The following C1orf226 variants were observed in gnomAD, a reference collection of about 807,000 sequenced individuals.
The protein encoded by C1orf226 is chromosome 1 open reading frame 226.
In C1orf226, 4 loss-of-function variants were observed where a neutral mutation model predicts 10.5. The observed-to-expected ratio is 0.38, with a 90% confidence interval of 0.19 to 0.87. The LOEUF is 0.87. Among genes scored for constraint, C1orf226 ranks in the 40% least tolerant of loss-of-function variants. C1orf226 has a pLI of 0.41. For missense variants in C1orf226, 313 were observed against 336.2 expected (o/e 0.93, Z 0.54); for synonymous variants, 125 against 139.3 (o/e 0.90, Z 0.72).
chr1:162,382,030 C>G lies in C1orf226; in HGVS notation c.129C>G (p.Leu43=). 1 of 1,611,702 alleles carries G rather than the reference C, an allele frequency of 6.2e-7. No homozygotes were observed. The change falls in exon 1 of 2, where the codon CTC becomes CTG. Residue 43 remains leucine (L), a synonymous_variant. Coordinates refer to ENST00000458626, the MANE Select transcript of C1orf226 (RefSeq NM_001085375.2). ...CTGGTGAGCCTGGGGGGCCAGGACT[C>G]TGGGTGGGCAGCAGCCAGCACCTCA... The part of the protein sequence containing the change: ...LGSGEPGGPG[L]WVGSSQHLKN...
chr1:162,383,600 G>C lies in C1orf226; in HGVS notation c.736G>C (p.Glu246Gln), dbSNP rs1301475621. The C allele has an allele frequency of 1.9e-6, 3 of 1,606,932 alleles. No individual in the cohort carries two copies. Among genetic ancestry groups the C allele is most frequent in the Non-Finnish European group, 2.5e-6 (3 of 1,176,724 alleles). ...CCCCATCAGCCTGGCTGAGTCCTGGGAGGATGGCAGCCCCCCTCCTCAGGC... is the reference window on the plus strand; with the variant it reads ...CCCCATCAGCCTGGCTGAGTCCTGGCAGGATGGCAGCCCCCCTCCTCAGGC... ...LSPISLAESW[E>Q]DGSPPPQART... The change falls in exon 2 of 2, where the codon GAG (glutamate) becomes CAG (glutamine). Residue 246 changes from glutamate to glutamine, a missense_variant. Physicochemically the swap from Glu to Gln is conservative, Grantham distance 29. Coordinates refer to ENST00000458626, the MANE Select transcript of C1orf226 (RefSeq NM_001085375.2).
intron 1 of C1orf226, 121 bp downstream of exon 1, chr1:162,382,339 G>A (rs1371891634): frequency 1.6e-6 from 2 of 1,283,492 alleles, no homozygotes; most frequent in Non-Finnish European, 1.0e-6. Context: ...AGATTGTCCT[G>A]TACTGAAAAG....
At position 162,383,736 on chromosome 1, in the gene C1orf226, C is replaced by T. The variant is rs1648010680; in HGVS notation, c.*53C>T. The T allele has an allele frequency of 1.3e-6, 2 of 1,514,982 alleles. No individual in the cohort carries two copies. The highest frequency in any genetic ancestry group is 1.3e-5 in the South Asian group (1 of 76,706). 93.8% of individuals were successfully genotyped at this position (1,514,982 alleles called of 1,614,324 possible). ...GCCCTTGTCTTCCTGCTGCTTTCTC[C>T]TCCACTGCGCACACTGGCCCTGGCC... On this transcript the variant is annotated 3_prime_UTR_variant, in exon 2 of 2. Coordinates refer to ENST00000458626, the MANE Select transcript of C1orf226 (RefSeq NM_001085375.2).
intron 1 of C1orf226, 82 bp downstream of exon 1, chr1:162,382,300 CAGG>C (rs1320597422): frequency 6.8e-7 from 1 of 1,473,378 alleles, no homozygotes; most frequent in Non-Finnish European, 9.1e-7. Flanking sequence ...AGTGTCTGCA[CAGG>C]AGAACAGCCC....
chr1:162,383,267 C>T lies in C1orf226; in HGVS notation c.403C>T (p.Gln135Ter). Residue 135 changes from glutamine (Q) to a stop codon, truncating the protein, a stop_gained, in exon 2 of 2, where the codon CAG (glutamine) becomes TAG (stop). Transcript: ENST00000458626. LOFTEE classifies it high-confidence loss of function. ...KRTPRALKTTQDMLISSQPVL... is the reference protein window; with the variant it reads ...KRTPRALKTT ...AACCCCTCGGGCCCTGAAGACCACC[C>T]AGGACATGCTGATTTCATCACAGCC... 3 of 1,613,866 alleles carry T rather than the reference C, an allele frequency of 1.9e-6. No individual in the cohort carries two copies. The highest frequency in any genetic ancestry group is 2.5e-6 in the Non-Finnish European group (3 of 1,179,788).
At chr1:162,379,064 C>A (rs749720212), upstream of C1orf226, 1 of 1,403,880 alleles carries the variant, frequency 7.1e-7, no homozygotes. Context: ...GGATGACTTA[C>A]ATCCCCAGAT....
chr1:162,382,807 G>C (rs1415312022), intron 1 of C1orf226, among the ~76,000 whole-genome samples: 2 of 152,198 alleles, frequency 1.3e-5, no homozygotes, highest in Non-Finnish European at 2.9e-5. Context: ...CCTACCAACA[G>C]GCTCTTTCCA....
At chr1:162,381,644 A>AT (rs1647909572), upstream of C1orf226, 1 of 1,318,462 alleles carries the variant, frequency 7.6e-7, no homozygotes. Context: ...GAACAACTTT[A>AT]TTTTTTTATG....
In C1orf226 at chr1:162,381,986, G is replaced by A. The variant is rs200174827; in HGVS notation, c.85G>A (p.Gly29Ser). 964 of 1,612,818 alleles carry A rather than the reference G, an allele frequency of 6.0e-4. 9 individuals carry two copies. The South Asian group carries it at 6.6e-3, about 11-fold the overall frequency. Residue 29 changes from glycine (G) to serine (S), a missense_variant, in exon 1 of 2, where the codon GGC becomes AGC. Coordinates refer to ENST00000458626, the MANE Select transcript of C1orf226 (RefSeq NM_001085375.2). Reference protein sequence around the residue: ...FPHLSKPVAPGSAPLGSGEPG... With the variant: ...FPHLSKPVAPSSAPLGSGEPG... ...CCACTTGTCCAAGCCCGTGGCCCCC[G>A]GCTCTGCCCCTCTGGGCTCTGGTGA... is the stretch of plus-strand genomic sequence containing the variant.
chr1:162,379,075 G>A (rs762539437), upstream of C1orf226: 2 of 1,292,708 alleles, frequency 1.5e-6, no homozygotes, highest in Non-Finnish European at 2.2e-6. Context: ...ATCCCCAGAT[G>A]CCCTCCTCTG....
chr1:162,383,079 G>A lies in C1orf226; in HGVS notation c.318-103G>A, dbSNP rs1647972691. 4.5e-6 allele frequency: 5 copies of A among 1,115,518 alleles called. No individual in the cohort carries two copies. In the South Asian group the frequency reaches 4.6e-5, roughly 10 times the overall value. 69.1% of individuals were successfully genotyped at this position (1,115,518 alleles called of 1,614,324 possible). On this transcript the variant is annotated intron_variant, in intron 1 of 1. Transcript: ENST00000458626. The stretch of plus-strand genomic sequence containing the variant: ...CAAGGAGTAGAGCAGTTATTGGGTG[G>A]GGTGGGTTGAAAGTGCAGTTGGAGT...
rs746407566 is a variant in C1orf226, at chr1:162,383,376, C to A, written c.512C>A (p.Pro171Gln). The stretch of plus-strand genomic sequence containing the variant: ...GCTCCCACTGCCCAGCCTGACGTCC[C>A]AGCAGACGCTTCACAGCCAGAGGCC... ...DSAPTAQPDVPADASQPEATM... is the reference protein window; with the variant it reads ...DSAPTAQPDVQADASQPEATM... The change falls in exon 2 of 2, where the codon CCA becomes CAA. Residue 171 changes from proline to glutamine, a missense_variant. Pro to Gln is a moderately conservative substitution (Grantham distance 76). Transcript: ENST00000458626. 1.3e-6 allele frequency: 2 copies of A among 1,598,480 alleles called. No homozygotes were observed. The highest frequency in any genetic ancestry group is 1.7e-6 in the Non-Finnish European group (2 of 1,172,328).
upstream of C1orf226, among the ~76,000 whole-genome samples, chr1:162,379,981 G>A (rs1647857236): frequency 1.3e-5 from 2 of 152,184 alleles, no homozygotes; most frequent in South Asian, 2.1e-4. Flanking sequence ...TTCTGGTTTG[G>A]GGGGAAATAG....
At chr1:162,380,852 G>A (rs1393418382), upstream of C1orf226, among the ~76,000 whole-genome samples, 1 of 152,204 alleles carries the variant, frequency 6.6e-6, no homozygotes. Context: ...GGCGATTCAA[G>A]ATCTGTATTG....
chr1:162,379,962 C>G (rs1445368312), upstream of C1orf226, among the ~76,000 whole-genome samples: 2 of 152,164 alleles, frequency 1.3e-5, no homozygotes. Context: ...TCATTGTTGT[C>G]TATGTACTTT....
In C1orf226 at chr1:162,384,445, A is replaced by G. The variant is rs1323955087; in HGVS notation, c.*762A>G. ...GTGGGCATTCTGCACGGAAGGAAAGATCAGGCTTCTCTTGCTGAGTGTGTG... is the reference window on the plus strand; with the variant it reads ...GTGGGCATTCTGCACGGAAGGAAAGGTCAGGCTTCTCTTGCTGAGTGTGTG... On this transcript the variant is annotated 3_prime_UTR_variant, in exon 2 of 2. Transcript: ENST00000458626. 1 of 152,626 alleles carries G rather than the reference A, an allele frequency of 6.6e-6. No individual in the cohort carries two copies. The highest frequency in any genetic ancestry group is 1.5e-5 in the Non-Finnish European group (1 of 68,092). The allele number at this position is 152,626 out of a possible 1,614,324, so 9.5% of individuals were successfully genotyped here.
At chr1:162,381,634 G>A (rs1484902426), upstream of C1orf226, 8 of 1,267,756 alleles carry the variant, frequency 6.3e-6, no homozygotes, top group African/African-American at 3.1e-5. Flanking sequence ...AGGTTTACAG[G>A]AACAACTTTA....
At position 162,385,944 on chromosome 1, in the gene C1orf226, C is replaced by T. The variant is rs1648096190; in HGVS notation, c.*2261C>T. ...CTATAGCCCAGCTGCTGCTGGAGTC[C>T]AGGACCTTAGACCCAGGATGAGCAA... On this transcript the variant is annotated 3_prime_UTR_variant, in exon 2 of 2. Transcript: ENST00000458626. 6.6e-6 allele frequency: 1 copy of T among 152,442 alleles called. No homozygotes were observed. The highest frequency in any genetic ancestry group is 6.5e-5 in the Admixed American group (1 of 15,284). 9.4% of individuals were successfully genotyped at this position (152,442 alleles called of 1,614,324 possible).
upstream of C1orf226, chr1:162,379,090 G>T: frequency 8.6e-7 from 1 of 1,162,216 alleles, no homozygotes; most frequent in Non-Finnish European, 1.2e-6. Flanking sequence ...CCTCTGCTTG[G>T]GTGTGTGCAT....
Sources: allele counts gnomAD v4.1 joint callset (sites outside exome capture counted in the v4.1 genomes callset), GRCh38; gene constraint gnomAD v4.1.1; transcripts MANE v1.5; gene names NCBI Gene and HGNC (gene_info 2026-07-23, HGNC 2026-07-21).